REV3L: variants seen among roughly 807,000 people sequenced by gnomAD.
The protein encoded by REV3L is REV3 like, DNA directed polymerase zeta catalytic subunit, also known as DNA polymerase zeta catalytic subunit.
Under a neutral mutation model 299.4 loss-of-function variants are expected in REV3L, and 69 were observed. That is an observed-to-expected ratio of 0.23 (90% CI 0.19 to 0.28). The LOEUF (loss-of-function observed/expected upper bound fraction) is 0.28, where lower values mean the gene tolerates loss of function less well. Among genes scored for constraint, REV3L ranks in the 10% least tolerant of loss-of-function variants. The probability of loss-of-function intolerance (pLI) is 1.00; values close to 1 mark genes in which losing one functional copy is unlikely to be tolerated. For missense variants in REV3L, 3,128 were observed against 3,693.8 expected (o/e 0.85, Z 3.97); for synonymous variants, 1,238 against 1,271.4 (o/e 0.97, Z 0.56).
chr6:111,463,056 T>C (rs1158873209), intron 1 of REV3L, among the ~76,000 whole-genome samples: 4 of 152,124 alleles, frequency 2.6e-5, no homozygotes, highest in African/African-American at 7.2e-5. Flanking sequence ...AGGTACCAAA[T>C]AGCAACCAAT....
At chr6:111,461,396 G>T (rs1790759213) in intron 1 of REV3L, among the ~76,000 whole-genome samples, 1 of 152,020 alleles carries the variant, frequency 6.6e-6, no homozygotes, top group Non-Finnish European at 1.5e-5. Flanking sequence ...CAATGTATTT[G>T]TTTTAAGCTA....
chr6:111,426,100 C>A (rs765453079), intron 1 of REV3L, among the ~76,000 whole-genome samples: 1 of 152,132 alleles, frequency 6.6e-6, no homozygotes, highest in Non-Finnish European at 1.5e-5. Context: ...GTGCAGGGAG[C>A]CTAGGGACTC....
At chr6:111,431,261 A>G in intron 1 of REV3L, 1 of 1,491,506 alleles carries the variant, frequency 6.7e-7, no homozygotes, top group African/African-American at 1.4e-5. Flanking sequence ...CAAGAGATTT[A>G]GATGTCACTG....
At chr6:111,465,522 T>A (rs1039397159) in intron 1 of REV3L, among the ~76,000 whole-genome samples, 11 of 151,314 alleles carry the variant, frequency 7.3e-5, no homozygotes, top group Admixed American at 7.2e-4. Flanking sequence ...TCACTTGAGG[T>A]CAGGAGTTTG....
intron 9 of REV3L, among the ~76,000 whole-genome samples, chr6:111,383,618 A>C (rs960108402): frequency 1.3e-5 from 2 of 152,212 alleles, no homozygotes; most frequent in African/African-American, 4.8e-5. Context: ...GTACACCAAA[A>C]AATGGAAAAG....
In REV3L at chr6:111,351,682, C is replaced by T. The variant is rs1777578853; in HGVS notation, c.7294G>A (p.Val2432Met). Reference protein sequence around the residue: ...SIDLCRMISRVPDDKIENRFA... With the variant: ...SIDLCRMISRMPDDKIENRFA... ...CATTCACAATGACACATACCTGGCA[C>T]CCGAGAGATCATCCGACATAAGTCA... Residue 2432 changes from valine to methionine, a missense_variant, in exon 19 of 32, where the codon GTG (valine) becomes ATG (methionine). Coordinates refer to ENST00000368802, the MANE Select transcript of REV3L (RefSeq NM_001372078.1). 22 of 1,611,780 alleles carry T rather than the reference C, an allele frequency of 1.4e-5. No homozygotes were observed. The highest frequency in any genetic ancestry group is 1.9e-5 in the Non-Finnish European group (22 of 1,178,444).
chr6:111,332,577 A>G (rs1562135367), intron 23 of REV3L, among the ~76,000 whole-genome samples: 1 of 152,180 alleles, frequency 6.6e-6, no homozygotes, highest in Non-Finnish European at 1.5e-5. Flanking sequence ...AAACCAACAC[A>G]TGATCTCAAA....
At position 111,372,568 on chromosome 6, in the gene REV3L, T is replaced by C. The variant is rs552354701; in HGVS notation, c.5759+28A>G. On this transcript the variant is annotated intron_variant, in intron 13 of 31. Coordinates refer to ENST00000368802, the MANE Select transcript of REV3L (RefSeq NM_001372078.1). ...TTTTATATATCATAATAATTCAGAGTGACCCAAGGGAAAAAATAACTGATT... is the reference window on the plus strand; with the variant it reads ...TTTTATATATCATAATAATTCAGAGCGACCCAAGGGAAAAAATAACTGATT... 5 of 1,445,984 alleles carry C rather than the reference T, an allele frequency of 3.5e-6. No individual in the cohort carries two copies. In the South Asian group the frequency reaches 6.7e-5, roughly 19 times the overall value. 89.6% of individuals were successfully genotyped at this position (1,445,984 alleles called of 1,614,324 possible). A position where few individuals can be genotyped will look rare whatever the true frequency, so the allele number is the denominator to read the frequency against.
chr6:111,421,520 G>T (rs528529179), intron 1 of REV3L, among the ~76,000 whole-genome samples: 1 of 152,088 alleles, frequency 6.6e-6, no homozygotes, highest in African/African-American at 2.4e-5. Flanking sequence ...ACAAAAACAC[G>T]CAACATGAGG....
rs1780291793 is a variant in REV3L, at chr6:111,376,250, A to C, written c.2105T>G (p.Leu702Trp). The C allele has an allele frequency of 6.2e-7, 1 of 1,613,786 alleles. No homozygotes were observed. The highest frequency in any genetic ancestry group is 8.5e-7 in the Non-Finnish European group (1 of 1,179,894). ...AGAAAAGTTGAAAGAATTTTTGCCC[A>C]ATGTATTCTCGTTAGGGTGACGGTG... ...HMHRHPNENTLGKNSFNFSDL... is the reference protein window; with the variant it reads ...HMHRHPNENTWGKNSFNFSDL... Residue 702 changes from leucine to tryptophan, a missense_variant, in exon 13 of 32, where the codon TTG becomes TGG. Physicochemically the swap from Leu to Trp is moderately conservative, Grantham distance 61 (BLOSUM62 -2). Around this residue, in one of 9 missense-constraint regions of REV3L, gnomAD observed 2,409 missense variants for 2,611.8 expected, o/e 0.92. Coordinates refer to ENST00000368802, the MANE Select transcript of REV3L (RefSeq NM_001372078.1).
chr6:111,416,979 G>C (rs1441003282), intron 1 of REV3L, among the ~76,000 whole-genome samples: 1 of 151,584 alleles, frequency 6.6e-6, no homozygotes, highest in East Asian at 1.9e-4. Context: ...GCAGTGGGAA[G>C]GAGGGTAAAA....
intron 9 of REV3L, among the ~76,000 whole-genome samples, chr6:111,381,965 C>A (rs190239418): frequency 1.3e-5 from 2 of 152,224 alleles, no homozygotes; most frequent in East Asian, 3.9e-4. Context: ...GTTTTTCATG[C>A]CTGTTTGTGA....
chr6:111,390,064 TTAAGAA>T lies in REV3L; in HGVS notation c.757+16_757+21del. ...TAATTTTAAAAAATAAAAACATATA[TTAAGAA>T]TAATTGTGTATGAACCTTCAATGTC... On this transcript the variant is annotated intron_variant, in intron 6 of 31. Coordinates refer to ENST00000368802, the MANE Select transcript of REV3L (RefSeq NM_001372078.1). The T allele has an allele frequency of 6.7e-7, 1 of 1,499,876 alleles. No homozygotes were observed. The allele number at this position is 1,499,876 out of a possible 1,614,324, so 92.9% of individuals were successfully genotyped here.
At chr6:111,324,281 A>G (rs1049687146) in intron 25 of REV3L, among the ~76,000 whole-genome samples, 7 of 152,188 alleles carry the variant, frequency 4.6e-5, no homozygotes, top group Admixed American at 4.6e-4. Flanking sequence ...TACAGGTGTA[A>G]GCCACCATGC....
Position 111,307,299 on chromosome 6 carries a change from G to C in REV3L, c.9252+62C>G. 4 of 1,386,178 alleles carry C rather than the reference G, an allele frequency of 2.9e-6. No individual in the cohort carries two copies. In the Admixed American group the frequency reaches 6.7e-5, roughly 23 times the overall value. The allele number at this position is 1,386,178 out of a possible 1,614,324, so 85.9% of individuals were successfully genotyped here. On this transcript the variant is annotated intron_variant, in intron 31 of 31. Transcript: ENST00000368802. ...GTATCTCACACTATAATTCAAGAGT[G>C]ACTATATCTTCCTGTAAGATCAGAC...
chr6:111,419,104 G>C (rs1785053837), intron 1 of REV3L, among the ~76,000 whole-genome samples: 1 of 152,138 alleles, frequency 6.6e-6, no homozygotes. Context: ...GACCTGAAGT[G>C]CCATCCAAAT....
intron 25 of REV3L, among the ~76,000 whole-genome samples, chr6:111,323,208 T>C (rs1439750837): frequency 6.6e-6 from 1 of 152,184 alleles, no homozygotes; most frequent in Non-Finnish European, 1.5e-5. Flanking sequence ...CAGGCTAGTC[T>C]TGAACTCCTG....
In REV3L at chr6:111,313,356, G is replaced by C. The variant is rs770514922; in HGVS notation, c.8600C>G (p.Ser2867Cys). Residue 2867 changes from serine (S) to cysteine (C), a missense_variant, in exon 28 of 32, where the codon TCT becomes TGT. Coordinates refer to ENST00000368802, the MANE Select transcript of REV3L (RefSeq NM_001372078.1). ...TVRRDSCPAV[S>C]KILERSLKLL... is the part of the protein sequence containing the mutation. ...GACAAGATAGATAAACCTTACCTTA[G>C]AAACAGCAGGGCAGGAATCTCTTCT... 3.1e-6 allele frequency: 5 copies of C among 1,606,170 alleles called. No homozygotes were observed. The highest frequency in any genetic ancestry group is 4.2e-6 in the Non-Finnish European group (5 of 1,177,920).
chr6:111,456,607 G>A (rs970326606), intron 1 of REV3L, among the ~76,000 whole-genome samples: 2 of 152,076 alleles, frequency 1.3e-5, no homozygotes, highest in Non-Finnish European at 2.9e-5. Flanking sequence ...AATCCTATTA[G>A]GTAAAGCAGA....
Sources: allele counts gnomAD v4.1 joint callset (sites outside exome capture counted in the v4.1 genomes callset), GRCh38; gene constraint gnomAD v4.1.1; regional missense constraint gnomAD v4.1.1; transcripts MANE v1.5; gene names NCBI Gene and HGNC (gene_info 2026-07-23, HGNC 2026-07-21).